Variants in IFIT1B observed in about 807,000 individuals in gnomAD.
IFIT1B encodes the protein interferon induced protein with tetratricopeptide repeats 1B.
In IFIT1B, 3 loss-of-function variants were observed where a neutral mutation model predicts 2.5. The observed-to-expected ratio is 1.21, with a 90% CI of 0.55 to 3.14. The LOEUF (loss-of-function observed/expected upper bound fraction) is 3.14. Ranked by LOEUF, IFIT1B falls within the 30% of genes most tolerant of loss-of-function variation. The pLI is 0.03. For missense variants in IFIT1B, 545 were observed against 556.5 expected (o/e 0.98, Z 0.21); for synonymous variants, 196 against 203.0 (o/e 0.97, Z 0.29).
In IFIT1B at chr10:89,383,473, A is replaced by C; in HGVS notation, c.160A>C (p.Ile54Leu). ...CCTGGACACCAAATACAATGTGGGA[A>C]TACACAACCTACTAGCCTATGTGAA... Reference protein sequence around the residue: ...QFLDTKYNVGIHNLLAYVKHL... With the variant: ...QFLDTKYNVGLHNLLAYVKHL... Residue 54 changes from isoleucine (I) to leucine (L), a missense_variant, in exon 2 of 2, where the codon ATA becomes CTA. Transcript: ENST00000371809. The C allele has an allele frequency of 6.2e-7, 1 of 1,614,240 alleles. No individual in the cohort carries two copies. The highest frequency in any genetic ancestry group is 8.5e-7 in the Non-Finnish European group (1 of 1,180,038).
rs1844178839 is a variant in IFIT1B, at chr10:89,383,537, T to C, written c.224T>C (p.Leu75Ser). The C allele has an allele frequency of 1.2e-6, 2 of 1,614,136 alleles. No individual in the cohort carries two copies. Residue 75 changes from leucine to serine, a missense_variant, in exon 2 of 2, where the codon TTG becomes TCG. Coordinates refer to ENST00000371809, the MANE Select transcript of IFIT1B (RefSeq NM_001010987.2). ...KGQNEEALVS[L>S]KKAEDLIQKE... ...CAGAATGAGGAAGCCCTGGTCAGCTTGAAAAAGGCTGAAGACTTAATTCAG... is the reference window on the plus strand; with the variant it reads ...CAGAATGAGGAAGCCCTGGTCAGCTCGAAAAAGGCTGAAGACTTAATTCAG...
At chr10:89,379,509 C>A (rs1844145492) in intron 1 of IFIT1B, among the ~76,000 whole-genome samples, 1 of 152,060 alleles carries the variant, frequency 6.6e-6, no homozygotes, top group Non-Finnish European at 1.5e-5. Context: ...TGGTGACCTG[C>A]AGAAAATGCT....
At position 89,383,492 on chromosome 10, in the gene IFIT1B, A is replaced by G. The variant is rs755878650; in HGVS notation, c.179A>G (p.Tyr60Cys). The stretch of plus-strand genomic sequence containing the variant: ...GTGGGAATACACAACCTACTAGCCT[A>G]TGTGAAACACCTGAAAGGCCAGAAT... ...YNVGIHNLLA[Y>C]VKHLKGQNEE... Residue 60 changes from tyrosine to cysteine, a missense_variant, in exon 2 of 2, where the codon TAT becomes TGT. Tyr to Cys is a radical substitution (Grantham distance 194). Coordinates refer to ENST00000371809, the MANE Select transcript of IFIT1B (RefSeq NM_001010987.2). The G allele has an allele frequency of 6.2e-7, 1 of 1,614,222 alleles. No individual in the cohort carries two copies. The highest frequency in any genetic ancestry group is 1.1e-5 in the South Asian group (1 of 91,090).
In IFIT1B at chr10:89,384,011, A is replaced by G. The variant is rs1589628394; in HGVS notation, c.698A>G (p.Glu233Gly). The G allele has an allele frequency of 1.9e-6, 3 of 1,614,224 alleles. No homozygotes were observed. The highest frequency in any genetic ancestry group is 2.5e-6 in the Non-Finnish European group (3 of 1,180,040). Residue 233 changes from glutamate (E) to glycine (G), a missense_variant, in exon 2 of 2, where the codon GAA becomes GGA. Coordinates refer to ENST00000371809, the MANE Select transcript of IFIT1B (RefSeq NM_001010987.2). ...CTGAAGCTTCAGGATGAAGGACAGG[A>G]AGCTGAAGGAGAAAAGTACATTGAA... ...LALKLQDEGQ[E>G]AEGEKYIEEA...
At chr10:89,383,237 T>A in intron 1 of IFIT1B, 82 bp from the exon 2 acceptor site, 1 of 1,218,922 alleles carries the variant, frequency 8.2e-7, no homozygotes, top group South Asian at 1.4e-5. Flanking sequence ...TAGAGCATAT[T>A]TGACTATTTG....
chr10:89,378,070 G>A lies in IFIT1B; in HGVS notation c.-66G>A, dbSNP rs900833402. The stretch of plus-strand genomic sequence containing the variant: ...TGAGAAGCCCTAGAACTCTGTGGAT[G>A]AACCTTGAAGGAGCCTCCAAGCCTG... On this transcript the variant is annotated 5_prime_UTR_variant, in exon 1 of 2. It removes an upstream start codon present in the reference 5' UTR. Transcript: ENST00000371809. 15 of 1,582,528 alleles carry A rather than the reference G, an allele frequency of 9.5e-6. No homozygotes were observed. The African/African-American group carries it at 1.8e-4, about 18-fold the overall frequency.
chr10:89,381,406 A>C (rs770118475), intron 1 of IFIT1B, among the ~76,000 whole-genome samples: 15 of 152,098 alleles, frequency 9.9e-5, no homozygotes, highest in African/African-American at 1.9e-4. Context: ...CATATGTCCC[A>C]CACACACCCC....
Position 89,384,342 on chromosome 10 carries a change from T to C in IFIT1B, c.1029T>C (p.Tyr343=), listed in dbSNP as rs1287579486. 2 of 1,614,208 alleles carry C rather than the reference T, an allele frequency of 1.2e-6. No homozygotes were observed. The highest frequency in any genetic ancestry group is 1.7e-5 in the Admixed American group (1 of 60,026). ...IMLKRTFEMA[Y]VDLAETYAEI... ...TAAAGCGAACATTTGAGATGGCCTA[T>C]GTTGACCTGGCTGAAACGTATGCAG... The change falls in exon 2 of 2, where the codon TAT becomes TAC. Residue 343 remains tyrosine (Y), a synonymous_variant. Transcript: ENST00000371809.
In IFIT1B at chr10:89,384,336, G is replaced by GGC; in HGVS notation, c.1024_1025dup (p.Tyr343ProfsTer12). On this transcript the variant is annotated frameshift_variant, in exon 2 of 2. Transcript: ENST00000371809. LOFTEE classifies it low-confidence loss of function (END_TRUNC). Reference sequence around the variant, plus strand: ...TAATGTTAAAGCGAACATTTGAGATGGCCTATGTTGACCTGGCTGAAACGT... The same window carrying GGC: ...TAATGTTAAAGCGAACATTTGAGATGGCGCCTATGTTGACCTGGCTGAAACGT... 6.2e-7 allele frequency: 1 copy of GGC among 1,614,146 alleles called. No individual in the cohort carries two copies. The highest frequency in any genetic ancestry group is 1.3e-5 in the African/African-American group (1 of 75,042).
chr10:89,384,311 T>C lies in IFIT1B; in HGVS notation c.998T>C (p.Ile333Thr). 7.4e-6 allele frequency: 12 copies of C among 1,614,226 alleles called. No homozygotes were observed. The highest frequency in any genetic ancestry group is 1.0e-5 in the Non-Finnish European group (12 of 1,180,046). The change falls in exon 2 of 2, where the codon ATA (isoleucine) becomes ACA (threonine). Residue 333 changes from isoleucine (I) to threonine (T), a missense_variant. Physicochemically the swap from Ile to Thr is moderately conservative, Grantham distance 89 (BLOSUM62 -1). Coordinates refer to ENST00000371809, the MANE Select transcript of IFIT1B (RefSeq NM_001010987.2). ...QLAICKFEKT[I>T]MLKRTFEMAY... ...GCTATATGCAAATTTGAAAAGACTATAATGTTAAAGCGAACATTTGAGATG... is the reference window on the plus strand; with the variant it reads ...GCTATATGCAAATTTGAAAAGACTACAATGTTAAAGCGAACATTTGAGATG...
At position 89,384,948 on chromosome 10, in the gene IFIT1B, A is replaced by G. The variant is rs1844194573; in HGVS notation, c.*210A>G. 1 of 534,128 alleles carries G rather than the reference A, an allele frequency of 1.9e-6. No homozygotes were observed. 33.1% of individuals were successfully genotyped at this position (534,128 alleles called of 1,614,324 possible). On this transcript the variant is annotated 3_prime_UTR_variant, in exon 2 of 2. Coordinates refer to ENST00000371809, the MANE Select transcript of IFIT1B (RefSeq NM_001010987.2). ...GAAAGGCCTTGTGGCACCAGACATA[A>G]GACCCCCTGAAAGTATCATCCCTCC...
chr10:89,380,299 T>C (rs927490818), intron 1 of IFIT1B, among the ~76,000 whole-genome samples: 6 of 152,172 alleles, frequency 3.9e-5, no homozygotes, highest in Non-Finnish European at 5.9e-5. Context: ...CTTCCATTCA[T>C]GCTTATTGAT....
chr10:89,380,722 C>T (rs548297909), intron 1 of IFIT1B, among the ~76,000 whole-genome samples: 55 of 152,174 alleles, frequency 3.6e-4, no homozygotes, highest in Non-Finnish European at 5.9e-4. Flanking sequence ...CATTAGCCAC[C>T]ACGCTGGGGC....
intron 1 of IFIT1B, among the ~76,000 whole-genome samples, chr10:89,378,812 A>G (rs1181092175): frequency 6.6e-6 from 1 of 152,236 alleles, no homozygotes; most frequent in Non-Finnish European, 1.5e-5. Context: ...TAGCTGGCTT[A>G]ATAAAAGCAG....
At chr10:89,380,596 G>C (rs1163377136) in intron 1 of IFIT1B, among the ~76,000 whole-genome samples, 1 of 152,066 alleles carries the variant, frequency 6.6e-6, no homozygotes, top group Non-Finnish European at 1.5e-5. Context: ...GCCAGGCCCG[G>C]CTAATTTTTG....
At position 89,383,465 on chromosome 10, in the gene IFIT1B, A is replaced by G. The variant is rs766625023; in HGVS notation, c.152A>G (p.Asn51Ser). 4 of 1,614,220 alleles carry G rather than the reference A, an allele frequency of 2.5e-6. No homozygotes were observed. The highest frequency in any genetic ancestry group is 1.3e-5 in the African/African-American group (1 of 75,054). Reference sequence around the variant, plus strand: ...ATTCAGTTCCTGGACACCAAATACAATGTGGGAATACACAACCTACTAGCC... The same window carrying G: ...ATTCAGTTCCTGGACACCAAATACAGTGTGGGAATACACAACCTACTAGCC... ...EEIQFLDTKY[N>S]VGIHNLLAYV... The change falls in exon 2 of 2, where the codon AAT (asparagine) becomes AGT (serine). Residue 51 changes from asparagine (N) to serine (S), a missense_variant. Transcript: ENST00000371809.
intron 1 of IFIT1B, 48 bp downstream of exon 1, chr10:89,378,188 A>T: frequency 6.2e-7 from 1 of 1,609,400 alleles, no homozygotes; most frequent in Non-Finnish European, 8.5e-7. Flanking sequence ...ACACTTTGAA[A>T]TTCTAAAACT....
At chr10:89,378,635 T>C (rs978865741) in intron 1 of IFIT1B, among the ~76,000 whole-genome samples, 1 of 152,058 alleles carries the variant, frequency 6.6e-6, no homozygotes, top group Admixed American at 6.5e-5. Context: ...CCAACCCCAG[T>C]AGAAAGTAAA....
intron 1 of IFIT1B, 36 bp downstream of exon 1, chr10:89,378,176 G>A: frequency 6.2e-7 from 1 of 1,611,026 alleles, no homozygotes; most frequent in Non-Finnish European, 8.5e-7. Context: ...CCTTATTTCT[G>A]CACACTTTGA....
Sources: allele counts gnomAD v4.1 joint callset (sites outside exome capture counted in the v4.1 genomes callset), GRCh38; gene constraint gnomAD v4.1.1; transcripts MANE v1.5; gene names NCBI Gene and HGNC (gene_info 2026-07-23, HGNC 2026-07-21).